VEGFC: variants seen among roughly 807,000 people sequenced by gnomAD.
VEGFC encodes vascular endothelial growth factor C, also known as FLT4 ligand DHM.
In VEGFC, 12 loss-of-function variants were observed where a neutral mutation model predicts 46.1. The ratio of observed to expected loss-of-function variants is 0.26; its 90% CI spans 0.17 to 0.42. VEGFC has a LOEUF of 0.42. Ranked by LOEUF, VEGFC falls within the 10% of genes least tolerant of loss-of-function variation. VEGFC has a pLI of 1.00. For synonymous variants in VEGFC, 232 were observed against 195.5 expected, an observed-to-expected ratio of 1.19 and a Z score of -1.56; for missense variants, 488 against 529.4, an observed-to-expected ratio of 0.92 and a Z score of 0.77.
chr4:176,733,699 T>C (rs1426662955), intron 1 of VEGFC, among the ~76,000 whole-genome samples: 1 of 151,766 alleles, frequency 6.6e-6, no homozygotes, highest in Non-Finnish European at 1.5e-5. Context: ...ACAACTCTAG[T>C]TGTCAAAACT....
intron 1 of VEGFC, among the ~76,000 whole-genome samples, chr4:176,734,207 A>G (rs889065471): frequency 6.6e-6 from 1 of 151,778 alleles, no homozygotes; most frequent in Admixed American, 6.6e-5. Context: ...AAAAACTTCT[A>G]TTGCTTTATG....
At chr4:176,718,925 A>C (rs898696061) in intron 3 of VEGFC, among the ~76,000 whole-genome samples, 2 of 152,156 alleles carry the variant, frequency 1.3e-5, no homozygotes, top group African/African-American at 2.4e-5. Context: ...ATATCTCTTA[A>C]ACATACAACT....
At chr4:176,757,064 T>C (rs912071577) in intron 1 of VEGFC, among the ~76,000 whole-genome samples, 9 of 152,092 alleles carry the variant, frequency 5.9e-5, no homozygotes, top group Non-Finnish European at 8.8e-5. Context: ...TAGACAATAA[T>C]GCTTGGTGGC....
intron 1 of VEGFC, among the ~76,000 whole-genome samples, chr4:176,770,411 T>C (rs1448198839): frequency 6.6e-6 from 1 of 152,018 alleles, no homozygotes; most frequent in Non-Finnish European, 1.5e-5. Flanking sequence ...TTAACAGCAT[T>C]GTTTTTGTGG....
chr4:176,714,332 T>C (rs755011216), intron 3 of VEGFC, among the ~76,000 whole-genome samples: 52 of 152,196 alleles, frequency 3.4e-4, no homozygotes, highest in Non-Finnish European at 6.8e-4. Flanking sequence ...TCTGGCCATA[T>C]GACACACCAG....
chr4:176,691,408 G>T (rs573035517), intron 4 of VEGFC, among the ~76,000 whole-genome samples: 1 of 152,230 alleles, frequency 6.6e-6, no homozygotes, highest in East Asian at 1.9e-4. Flanking sequence ...TATTTGCAAG[G>T]TATGTCTATG....
intron 1 of VEGFC, among the ~76,000 whole-genome samples, chr4:176,777,217 T>C (rs1307341456): frequency 1.3e-5 from 2 of 152,102 alleles, no homozygotes; most frequent in African/African-American, 2.4e-5. Flanking sequence ...CTCAGGAGGC[T>C]GAGGCAGGAC....
At chr4:176,790,396 T>C (rs1053231586) in intron 1 of VEGFC, among the ~76,000 whole-genome samples, 3 of 152,314 alleles carry the variant, frequency 2.0e-5, no homozygotes, top group African/African-American at 4.8e-5. Flanking sequence ...AAATGCATAG[T>C]GATTTTCACA....
At chr4:176,771,166 T>C (rs1477869590) in intron 1 of VEGFC, among the ~76,000 whole-genome samples, 1 of 152,172 alleles carries the variant, frequency 6.6e-6, no homozygotes, top group Non-Finnish European at 1.5e-5. Context: ...TCAGCATATG[T>C]GACAATTACC....
chr4:176,735,503 T>C (rs1735039393), intron 1 of VEGFC, among the ~76,000 whole-genome samples: 1 of 151,904 alleles, frequency 6.6e-6, no homozygotes, highest in Non-Finnish European at 1.5e-5. Context: ...CTAGTGGATA[T>C]ATGCCAGGAC....
chr4:176,753,486 A>C (rs1392622201), intron 1 of VEGFC, among the ~76,000 whole-genome samples: 2 of 152,056 alleles, frequency 1.3e-5, no homozygotes, highest in Non-Finnish European at 2.9e-5. Context: ...TGCCCCAAAG[A>C]ATCTTTGCAA....
chr4:176,740,935 A>G (rs758422649), intron 1 of VEGFC, among the ~76,000 whole-genome samples: 3 of 151,940 alleles, frequency 2.0e-5, no homozygotes, highest in Non-Finnish European at 4.4e-5. Flanking sequence ...TAACGTTATC[A>G]TCGATTAGTT....
intron 1 of VEGFC, among the ~76,000 whole-genome samples, chr4:176,777,918 C>CAAAAAAAA (rs773634012): frequency 8.7e-5 from 5 of 57,168 alleles, no homozygotes; most frequent in African/African-American, 3.2e-4. Flanking sequence ...GACTTTGTCT[C>CAAAAAAAA]AAAAAAAAAA....
intron 4 of VEGFC, among the ~76,000 whole-genome samples, chr4:176,690,749 A>G (rs1734161887): frequency 6.9e-6 from 1 of 144,896 alleles, no homozygotes; most frequent in Non-Finnish European, 1.5e-5. Context: ...ATAATCTTCT[A>G]TAAATGATGG....
intron 1 of VEGFC, among the ~76,000 whole-genome samples, chr4:176,782,554 A>T (rs147959588): frequency 6.1e-4 from 93 of 152,244 alleles, no homozygotes; most frequent in African/African-American, 2.2e-3. Flanking sequence ...AGAAAATCAC[A>T]TTAAAATGTT....
At chr4:176,780,831 T>C (rs1162355488) in intron 1 of VEGFC, among the ~76,000 whole-genome samples, 1 of 152,210 alleles carries the variant, frequency 6.6e-6, no homozygotes, top group African/African-American at 2.4e-5. Flanking sequence ...GATAGAAGAA[T>C]AAATGTCAAA....
At chr4:176,722,534 C>T (rs575286084) in intron 3 of VEGFC, among the ~76,000 whole-genome samples, 2 of 136,776 alleles carry the variant, frequency 1.5e-5, no homozygotes, top group Non-Finnish European at 3.1e-5. Context: ...CTGGCTCTGT[C>T]ACCCAGGCTG....
chr4:176,714,640 C>A, intron 3 of VEGFC, among the ~76,000 whole-genome samples: 1 of 152,174 alleles, frequency 6.6e-6, no homozygotes, highest in Non-Finnish European at 1.5e-5. Context: ...TTTCCCACCC[C>A]TAACCCTTGG....
intron 4 of VEGFC, 109 bp from the exon 5 acceptor site, chr4:176,688,036 A>C: frequency 1.8e-6 from 1 of 567,058 alleles, no homozygotes. Flanking sequence ...CTTTAAAAAT[A>C]TAAGAATTAT....
Sources: allele counts gnomAD v4.1 joint callset (sites outside exome capture counted in the v4.1 genomes callset), GRCh38; gene constraint gnomAD v4.1.1; transcripts MANE v1.5; gene names NCBI Gene and HGNC (gene_info 2026-07-23, HGNC 2026-07-21).